The following SH3RF1 variants were observed in gnomAD, a reference collection of about 807,000 sequenced individuals.
The protein encoded by SH3RF1 is SH3 domain containing ring finger 1, also known as E3 ubiquitin-protein ligase SH3RF1.
Under a neutral mutation model 74.0 loss-of-function variants are expected in SH3RF1, and 32 were observed. That is an observed-to-expected ratio of 0.43 (90% CI 0.33 to 0.58). SH3RF1 has a LOEUF of 0.58. Ranked by LOEUF, SH3RF1 falls within the 20% of genes least tolerant of loss-of-function variation. The pLI is 0.05. For synonymous variants in SH3RF1, 396 were observed against 439.6 expected, an observed-to-expected ratio of 0.90 and a Z score of 1.24; for missense variants, 954 against 1,130.9, an observed-to-expected ratio of 0.84 and a Z score of 2.24.
At chr4:169,198,965 C>A (rs1336966648) in intron 2 of SH3RF1, among the ~76,000 whole-genome samples, 1 of 152,118 alleles carries the variant, frequency 6.6e-6, no homozygotes, top group South Asian at 2.1e-4. Context: ...CAGGATTTTG[C>A]CCACTGGAGC....
intron 2 of SH3RF1, among the ~76,000 whole-genome samples, chr4:169,236,450 A>G (rs1014073477): frequency 6.6e-6 from 1 of 152,230 alleles, no homozygotes; most frequent in African/African-American, 2.4e-5. Context: ...TGTATTAAGC[A>G]TCTCAAATTT....
At chr4:169,191,692 G>C (rs1734713591) in intron 2 of SH3RF1, among the ~76,000 whole-genome samples, 2 of 152,092 alleles carry the variant, frequency 1.3e-5, no homozygotes, top group Non-Finnish European at 2.9e-5. Context: ...TATAAAAATA[G>C]CCACATAGAC....
At position 169,096,368 on chromosome 4, in the gene SH3RF1, G is replaced by T; in HGVS notation, c.*151C>A. 2 of 748,034 alleles carry T rather than the reference G, an allele frequency of 2.7e-6. No individual in the cohort carries two copies. The highest frequency in any genetic ancestry group is 2.6e-5 in the East Asian group (1 of 38,910). The allele number at this position is 748,034 out of a possible 1,614,324, so 46.3% of individuals were successfully genotyped here. ...AAACATCTTCTTCATTCTGCTCGCT[G>T]GGGTAACTGTGCTGGGGCATCAGAG... On this transcript the variant is annotated 3_prime_UTR_variant, in exon 12 of 12. Coordinates refer to ENST00000284637, the MANE Select transcript of SH3RF1 (RefSeq NM_020870.4).
chr4:169,212,537 T>C (rs1445397608), intron 2 of SH3RF1, among the ~76,000 whole-genome samples: 1 of 152,168 alleles, frequency 6.6e-6, no homozygotes, highest in Non-Finnish European at 1.5e-5. Flanking sequence ...TTTTTCCCTT[T>C]TAAAAAGACT....
chr4:169,173,446 A>C (rs1397465672), intron 2 of SH3RF1, among the ~76,000 whole-genome samples: 3 of 152,206 alleles, frequency 2.0e-5, no homozygotes, highest in African/African-American at 7.2e-5. Context: ...AAAAAAAAAA[A>C]AGTAGCAAAA....
At chr4:169,189,910 C>G (rs905203958) in intron 2 of SH3RF1, among the ~76,000 whole-genome samples, 4 of 152,130 alleles carry the variant, frequency 2.6e-5, no homozygotes, top group African/African-American at 4.8e-5. Context: ...AACTGGAAAT[C>G]AACTCCAAAA....
At position 169,147,997 on chromosome 4, in the gene SH3RF1, TTTAA is replaced by T. The variant is rs537930486; in HGVS notation, c.765+7479_765+7482del. 6.4e-3 allele frequency among the ~76,000 whole-genome samples: 797 copies of T among 123,980 alleles called. 10 individuals are homozygous for T. Among genetic ancestry groups the T allele is most frequent in the African/African-American group, 0.022 (759 of 34,508 alleles). 81.3% of individuals were successfully genotyped at this position (123,980 alleles called of 152,430 possible). A position where few individuals can be genotyped will look rare whatever the true frequency, so the allele number is the denominator to read the frequency against. On this transcript the variant is annotated intron_variant, in intron 4 of 11. Transcript: ENST00000284637. ...TGAAAAGACATTAAAATATCATGGT[TTTAA>T]TTAGTTTGTGATTTTTCTCATAAAA...
intron 11 of SH3RF1, among the ~76,000 whole-genome samples, chr4:169,106,269 C>A (rs971306718): frequency 6.6e-6 from 1 of 151,814 alleles, no homozygotes; most frequent in African/African-American, 2.4e-5. Flanking sequence ...CTCGCCACCA[C>A]GTCTATTTCT....
chr4:169,133,862 G>A (rs1733656054), intron 5 of SH3RF1, among the ~76,000 whole-genome samples: 1 of 152,210 alleles, frequency 6.6e-6, no homozygotes, highest in Non-Finnish European at 1.5e-5. Flanking sequence ...GTCAATAGCA[G>A]GGAACAGATT....
At chr4:169,185,325 G>A (rs1734584664) in intron 2 of SH3RF1, among the ~76,000 whole-genome samples, 1 of 152,128 alleles carries the variant, frequency 6.6e-6, no homozygotes, top group South Asian at 2.1e-4. Context: ...GCCGCTACAA[G>A]CCTCACACAA....
intron 4 of SH3RF1, among the ~76,000 whole-genome samples, chr4:169,151,382 T>C (rs1410451257): frequency 1.3e-5 from 2 of 152,240 alleles, no homozygotes; most frequent in African/African-American, 4.8e-5. Context: ...CAGGCACTAT[T>C]CTTAAGTATC....
At chr4:169,127,013 C>A (rs1733536436) in intron 6 of SH3RF1, among the ~76,000 whole-genome samples, 2 of 152,178 alleles carry the variant, frequency 1.3e-5, no homozygotes, top group Non-Finnish European at 2.9e-5. Flanking sequence ...TCCAGAGGAT[C>A]GGGGATTATT....
chr4:169,122,227 C>T lies in SH3RF1; in HGVS notation c.1219G>A (p.Ala407Thr), dbSNP rs1331180982. ...PPLPPPPLLA[A>T]TVLASTPPGA... ...GGTGGTGTGGAGGCAAGGACAGTGG[C>T]AGCCAGGAGAGGGGGTGGTGGAAGA... is the stretch of plus-strand genomic sequence containing the variant. The change falls in exon 7 of 12, where the codon GCC becomes ACC. Residue 407 changes from alanine (A) to threonine (T), a missense_variant. Physicochemically the swap from Ala to Thr is moderately conservative, Grantham distance 58. Around this residue, in one of 3 missense-constraint regions of SH3RF1, gnomAD observed 854 missense variants for 962.5 expected, o/e 0.89. Coordinates refer to ENST00000284637, the MANE Select transcript of SH3RF1 (RefSeq NM_020870.4). The T allele has an allele frequency of 6.2e-7, 1 of 1,611,226 alleles. No homozygotes were observed. Among genetic ancestry groups the T allele is most frequent in the South Asian group, 1.1e-5 (1 of 90,690 alleles).
chr4:169,096,698 A>G lies in SH3RF1; in HGVS notation c.2499-11T>C, dbSNP rs1281346328. 2 of 1,602,824 alleles carry G rather than the reference A, an allele frequency of 1.2e-6. No individual in the cohort carries two copies. The highest frequency in any genetic ancestry group is 8.5e-7 in the Non-Finnish European group (1 of 1,176,336). On this transcript the variant is annotated splice_polypyrimidine_tract_variant and intron_variant, in intron 11 of 11. Transcript: ENST00000284637. ...ACCACCACCCTGTGCCTAGAAAAGAAAGAGATTTTGGTTAAGGCGATTCAA... is the reference window on the plus strand; with the variant it reads ...ACCACCACCCTGTGCCTAGAAAAGAGAGAGATTTTGGTTAAGGCGATTCAA...
chr4:169,202,640 C>T (rs1173814668), intron 2 of SH3RF1, among the ~76,000 whole-genome samples: 1 of 152,172 alleles, frequency 6.6e-6, no homozygotes, highest in Non-Finnish European at 1.5e-5. Flanking sequence ...GAAACCAAAG[C>T]ATCAGTTAAT....
intron 2 of SH3RF1, among the ~76,000 whole-genome samples, chr4:169,200,578 A>T (rs1005176294): frequency 3.9e-5 from 6 of 152,214 alleles, no homozygotes; most frequent in Non-Finnish European, 8.8e-5. Context: ...ATGTGAGGAA[A>T]AAAACAAGTT....
chr4:169,132,343 C>T (rs985658590), intron 5 of SH3RF1, among the ~76,000 whole-genome samples: 1 of 152,154 alleles, frequency 6.6e-6, no homozygotes, highest in African/African-American at 2.4e-5. Flanking sequence ...TGGGATAAGT[C>T]CCTTCATGTC....
At chr4:169,192,587 A>AG (rs1178159671) in intron 2 of SH3RF1, among the ~76,000 whole-genome samples, 2 of 152,120 alleles carry the variant, frequency 1.3e-5, no homozygotes, top group African/African-American at 4.8e-5. Context: ...GAGATTCCTT[A>AG]AAGAACTAAA....
chr4:169,236,885 T>TA (rs1182085736), intron 2 of SH3RF1, among the ~76,000 whole-genome samples: 1 of 152,308 alleles, frequency 6.6e-6, no homozygotes, highest in East Asian at 1.9e-4. Context: ...AAACCCAGGA[T>TA]ATCATCTGTT....
Sources: gnomAD v4.1 joint callset for allele counts (sites outside exome capture counted in the v4.1 genomes callset) on GRCh38, gnomAD v4.1.1 for gene constraint, gnomAD v4.1.1 regional missense constraint, MANE v1.5 for transcripts, NCBI Gene and HGNC (gene_info 2026-07-23, HGNC 2026-07-21) for gene names.